The following PCDH11Y variants were observed in gnomAD, a reference collection of about 807,000 sequenced individuals.
PCDH11Y encodes the protein protocadherin-11 Y-linked.
For synonymous variants in PCDH11Y, 9 were observed against 83.6 expected (o/e 0.11, Z 4.87); for missense variants, 12 against 224.8 (o/e 0.05, Z 6.05).
intron 2 of PCDH11Y, among the ~76,000 whole-genome samples, chrY:5,180,241 G>A (rs2052898581): frequency 6.2e-5 from 2 of 32,067 alleles, no homozygotes; most frequent in African/African-American, 2.4e-4. Context: ...ATGTAGTTGT[G>A]TGGTTTTGAG....
chrY:5,588,667 T>G, intron 4 of PCDH11Y, among the ~76,000 whole-genome samples: 1 of 33,538 alleles, frequency 3.0e-5, no homozygotes, highest in African/African-American at 1.2e-4. Flanking sequence ...CACTCTCTCA[T>G]GCCCTGTAAG....
chrY:5,088,163 T>A, intron 1 of PCDH11Y, among the ~76,000 whole-genome samples: 1 of 32,727 alleles, frequency 3.1e-5, no homozygotes. Context: ...TAGATAGATG[T>A]TAAATTTGTG....
intron 2 of PCDH11Y, among the ~76,000 whole-genome samples, chrY:5,355,603 GGTGTTT>G (rs2053165077): frequency 1.6e-4 from 5 of 31,456 alleles, no homozygotes; most frequent in African/African-American, 6.2e-4. Flanking sequence ...TCTCATTTTA[GGTGTTT>G]GTTGGAATGC....
intron 3 of PCDH11Y, chrY:5,573,187 T>C: frequency 3.6e-6 from 1 of 278,180 alleles, no homozygotes; most frequent in East Asian, 9.6e-5. Flanking sequence ...CAACTACCAG[T>C]CACTGGGCTC....
At chrY:5,018,189 C>T (rs372593849) in intron 1 of PCDH11Y, among the ~76,000 whole-genome samples, 4 of 32,073 alleles carry the variant, frequency 1.2e-4, no homozygotes, top group South Asian at 6.9e-4. Flanking sequence ...AATTGCCTGT[C>T]GTTAACAATT....
chrY:5,397,110 G>A, intron 2 of PCDH11Y, among the ~76,000 whole-genome samples: 1 of 33,269 alleles, frequency 3.0e-5, no homozygotes, highest in East Asian at 8.1e-4. Flanking sequence ...TTTGAATAAT[G>A]TTGCCATCTT....
At chrY:5,029,474 G>A (rs2052585237) in intron 1 of PCDH11Y, among the ~76,000 whole-genome samples, 1 of 31,669 alleles carries the variant, frequency 3.2e-5, no homozygotes, top group African/African-American at 1.2e-4. Context: ...CTCAAACTAT[G>A]GAAACATTAT....
intron 4 of PCDH11Y, among the ~76,000 whole-genome samples, chrY:5,604,102 C>T: frequency 3.1e-5 from 1 of 31,911 alleles, no homozygotes; most frequent in African/African-American, 1.2e-4. Context: ...ATTTGACAGC[C>T]AAATGACTAT....
chrY:5,012,086 TG>T (rs2052550694), intron 1 of PCDH11Y, among the ~76,000 whole-genome samples: 2 of 28,351 alleles, frequency 7.1e-5, no homozygotes, highest in Non-Finnish European at 1.7e-4. Context: ...AAAATGTTCT[TG>T]TAAGTGCTAA....
At chrY:5,713,779 T>C (rs2053587963) in intron 4 of PCDH11Y, among the ~76,000 whole-genome samples, 1 of 30,729 alleles carries the variant, frequency 3.3e-5, no homozygotes, top group Non-Finnish European at 7.8e-5. Context: ...AGAAAGAACT[T>C]CCAAGACTCC....
intron 2 of PCDH11Y, among the ~76,000 whole-genome samples, chrY:5,454,458 C>A (rs2053295933): frequency 3.0e-5 from 1 of 33,724 alleles, no homozygotes. Flanking sequence ...CTAGGCAATG[C>A]CCCAGTAGGG....
intron 2 of PCDH11Y, among the ~76,000 whole-genome samples, chrY:5,388,531 G>GGCT (rs2053218515): frequency 3.1e-5 from 1 of 32,631 alleles, no homozygotes; most frequent in Non-Finnish European, 7.5e-5. Context: ...GCTGTCTCCC[G>GGCT]GCTCCTGCAG....
intron 2 of PCDH11Y, among the ~76,000 whole-genome samples, chrY:5,170,467 C>T: frequency 3.5e-5 from 1 of 28,719 alleles, no homozygotes. Flanking sequence ...AATTTAACTC[C>T]AGAACACCTA....
chrY:5,650,649 G>T (rs2053530704), intron 4 of PCDH11Y, among the ~76,000 whole-genome samples: 3 of 33,135 alleles, frequency 9.1e-5, no homozygotes, highest in African/African-American at 3.5e-4. Flanking sequence ...GTGAATTTAT[G>T]TGTTTAATTC....
At chrY:5,019,445 G>A (rs2052565776) in intron 1 of PCDH11Y, among the ~76,000 whole-genome samples, 1 of 29,812 alleles carries the variant, frequency 3.4e-5, no homozygotes, top group Non-Finnish European at 8.0e-5. Context: ...GATGGCGGGC[G>A]CCTGTAATCC....
intron 4 of PCDH11Y, among the ~76,000 whole-genome samples, chrY:5,597,195 G>C: frequency 3.3e-5 from 1 of 29,896 alleles, no homozygotes. Flanking sequence ...TTGTGAAAAT[G>C]TGGAACCAGC....
chrY:5,037,576 C>A, intron 3 of PCDH11Y: 2 of 118,937 alleles, frequency 1.7e-5, no homozygotes, highest in South Asian at 4.0e-5. Flanking sequence ...CCCCACCCCC[C>A]ACCAAAAAAA....
chrY:5,326,657 T>C, intron 2 of PCDH11Y, among the ~76,000 whole-genome samples: 3 of 32,484 alleles, frequency 9.2e-5, no homozygotes, highest in Admixed American at 8.5e-4. Context: ...GTATCAGGAA[T>C]AATGTGGGAA....
chrY:5,108,025 C>CCGCAG (rs2052795764), downstream of PCDH11Y, among the ~76,000 whole-genome samples: 1 of 24,838 alleles, frequency 4.0e-5, no homozygotes, highest in Non-Finnish European at 9.1e-5. Flanking sequence ...CGCCACTGCA[C>CCGCAG]TCCAGCCTGG....
Sources: allele counts gnomAD v4.1 joint callset (sites outside exome capture counted in the v4.1 genomes callset), GRCh38; gene constraint gnomAD v4.1.1; transcripts MANE v1.5; gene names NCBI Gene and HGNC (gene_info 2026-07-23, HGNC 2026-07-21).